DLG2: variants seen among roughly 807,000 people sequenced by gnomAD.
DLG2 encodes disks large homolog 2.
In DLG2, 45 loss-of-function variants were observed where a neutral mutation model predicts 132.5. The observed-to-expected ratio is 0.34, with a 90% CI of 0.27 to 0.44. The LOEUF (loss-of-function observed/expected upper bound fraction) is 0.44. DLG2 is among the 20% of genes least tolerant of loss of function. The pLI, the probability that DLG2 is intolerant of heterozygous loss-of-function variation, is 1.00. For missense variants in DLG2, 1,045 were observed against 1,196.9 expected, an observed-to-expected ratio of 0.87 and a Z score of 1.87; for synonymous variants, 424 against 419.6, an observed-to-expected ratio of 1.01 and a Z score of -0.13.
chr11:84,313,641 A>AAAAGAAAGAAAAAG, intron 7 of DLG2, among the ~76,000 whole-genome samples: 1 of 129,290 alleles, frequency 7.7e-6, no homozygotes, highest in African/African-American at 3.0e-5. Flanking sequence ...GAAAGAGAGA[A>AAAAGAAAGAAAAAG]AAAGAAAGAA....
At chr11:83,991,100 T>C (rs539555265) in intron 11 of DLG2, among the ~76,000 whole-genome samples, 1 of 152,314 alleles carries the variant, frequency 6.6e-6, no homozygotes, top group South Asian at 2.1e-4. Flanking sequence ...AAAAAGTATG[T>C]TTTATTTTAA....
Position 85,346,288 on chromosome 11 carries a change from C to T in DLG2, c.41-60923G>A, listed in dbSNP as rs551776535. Among the ~76,000 whole-genome samples, 136 of 151,618 alleles carry T rather than the reference C, an allele frequency of 9.0e-4. 1 individual carries two copies. Among genetic ancestry groups the T allele is most frequent in the Admixed American group, 7.0e-3 (106 of 15,246 alleles). ...CTGCAAGCTCTGCCTCCTGGGTTCA[C>T]GCCATTCTCCTGCCTCAGCCTCCCG... On this transcript the variant is annotated intron_variant, in intron 3 of 27. Coordinates refer to ENST00000376104, the MANE Select transcript of DLG2 (RefSeq NM_001142699.3).
At chr11:85,434,891 T>A (rs1233623658) in intron 3 of DLG2, among the ~76,000 whole-genome samples, 1 of 152,268 alleles carries the variant, frequency 6.6e-6, no homozygotes, top group East Asian at 1.9e-4. Flanking sequence ...CAGGCCAATA[T>A]CCCTGATGAA....
At chr11:84,132,785 A>G (rs769880262) in intron 9 of DLG2, among the ~76,000 whole-genome samples, 15 of 152,030 alleles carry the variant, frequency 9.9e-5, no homozygotes, top group Non-Finnish European at 1.9e-4. Flanking sequence ...GGTCTAACAC[A>G]GTTTCTTTGA....
At chr11:84,532,151 G>A (rs1355570877) in intron 7 of DLG2, among the ~76,000 whole-genome samples, 5 of 118,172 alleles carry the variant, frequency 4.2e-5, no homozygotes, top group Non-Finnish European at 6.7e-5. Flanking sequence ...TACTGTAACC[G>A]GGCTAGCATC....
chr11:84,958,327 G>A (rs1361854644), intron 6 of DLG2, among the ~76,000 whole-genome samples: 3 of 152,096 alleles, frequency 2.0e-5, no homozygotes, highest in African/African-American at 7.2e-5. Flanking sequence ...CTCAAATTAC[G>A]TTCTATTGGA....
intron 19 of DLG2, among the ~76,000 whole-genome samples, chr11:83,602,965 G>A (rs11233692): frequency 0.061 from 9,211 of 151,826 alleles, 352 homozygotes; most frequent in South Asian, 0.11. Flanking sequence ...CATACACTCA[G>A]TCTAGGCCTA....
chr11:85,609,980 T>C (rs1338423332), intron 2 of DLG2, among the ~76,000 whole-genome samples: 1 of 152,164 alleles, frequency 6.6e-6, no homozygotes, highest in Non-Finnish European at 1.5e-5. Context: ...AGGGATATAT[T>C]AGCCAAAGCT....
chr11:84,469,623 T>G (rs11234041), intron 7 of DLG2, among the ~76,000 whole-genome samples: 41,247 of 151,462 alleles, frequency 0.27, 5,813 homozygotes, highest in South Asian at 0.41. Context: ...TCTGCTAGAT[T>G]GCTGTAGCAA....
intron 6 of DLG2, among the ~76,000 whole-genome samples, chr11:84,977,034 C>T (rs553183496): frequency 6.6e-6 from 1 of 151,828 alleles, no homozygotes; most frequent in South Asian, 2.1e-4. Context: ...TGCTTGCTTA[C>T]CCATCACCTG....
chr11:83,990,363 T>A (rs923528738), intron 11 of DLG2, among the ~76,000 whole-genome samples: 1 of 152,136 alleles, frequency 6.6e-6, no homozygotes, highest in Non-Finnish European at 1.5e-5. Context: ...CATGTCAACA[T>A]AAGAAATGCA....
chr11:83,627,405 T>C (rs2062762467), intron 19 of DLG2, among the ~76,000 whole-genome samples: 1 of 150,178 alleles, frequency 6.7e-6, no homozygotes, highest in African/African-American at 2.4e-5. Context: ...GATGTTCCCC[T>C]TCCTGTGTCC....
intron 3 of DLG2, among the ~76,000 whole-genome samples, chr11:85,391,404 A>T (rs140492298): frequency 1.1e-3 from 162 of 152,296 alleles, no homozygotes; most frequent in Middle Eastern, 6.8e-3. Context: ...ATTCCAAAAG[A>T]TAAAGAAGGA....
intron 11 of DLG2, among the ~76,000 whole-genome samples, chr11:84,013,279 T>A (rs566865269): frequency 6.6e-6 from 1 of 152,236 alleles, no homozygotes; most frequent in Admixed American, 6.5e-5. Flanking sequence ...TTTCTTCTAC[T>A]TTTTCTCATG....
chr11:84,907,439 C>G (rs926949423), intron 6 of DLG2, among the ~76,000 whole-genome samples: 3 of 152,104 alleles, frequency 2.0e-5, no homozygotes, highest in African/African-American at 7.2e-5. Context: ...TTCCCAACAA[C>G]AGTTCAATTA....
At chr11:85,423,350 A>G (rs557038153) in intron 3 of DLG2, among the ~76,000 whole-genome samples, 1 of 152,134 alleles carries the variant, frequency 6.6e-6, no homozygotes, top group African/African-American at 2.4e-5. Context: ...GATGTACTGG[A>G]TCCTGTGACA....
At chr11:85,206,513 GAAA>G (rs2081903804) in intron 4 of DLG2, among the ~76,000 whole-genome samples, 1 of 152,138 alleles carries the variant, frequency 6.6e-6, no homozygotes, top group Non-Finnish European at 1.5e-5. Flanking sequence ...TAATGAATAT[GAAA>G]GCACCAAATA....
At chr11:84,388,123 G>T (rs2098778318) in intron 7 of DLG2, among the ~76,000 whole-genome samples, 1 of 152,134 alleles carries the variant, frequency 6.6e-6, no homozygotes, top group African/African-American at 2.4e-5. Context: ...ATAACAAACA[G>T]CCTCACTGAC....
intron 17 of DLG2, chr11:83,791,273 C>T: frequency 3.0e-6 from 2 of 674,460 alleles, no homozygotes; most frequent in South Asian, 1.8e-5. Context: ...GTGTCCTCAT[C>T]GGCAGAGCTC....
Sources: allele counts gnomAD v4.1 joint callset (sites outside exome capture counted in the v4.1 genomes callset), GRCh38; gene constraint gnomAD v4.1.1; transcripts MANE v1.5; gene names NCBI Gene and HGNC (gene_info 2026-07-23, HGNC 2026-07-21).